NTNG1: variants seen among roughly 807,000 people sequenced by gnomAD.
The protein encoded by NTNG1 is netrin G1.
Under a neutral mutation model 54.0 loss-of-function variants are expected in NTNG1, and 16 were observed. The observed-to-expected ratio is 0.30, with a 90% CI of 0.20 to 0.45. The LOEUF is 0.45. NTNG1 is among the 20% of genes least tolerant of loss of function. The pLI, the probability that NTNG1 is intolerant of heterozygous loss-of-function variation, is 1.00. For missense variants in NTNG1, 530 were observed against 678.7 expected (o/e 0.78, Z 2.43); for synonymous variants, 255 against 263.1 (o/e 0.97, Z 0.30).
At chr1:107,478,802 C>T (rs1678502848) in intron 7 of NTNG1, among the ~76,000 whole-genome samples, 1 of 152,238 alleles carries the variant, frequency 6.6e-6, no homozygotes, top group African/African-American at 2.4e-5. Flanking sequence ...AAATAAAATC[C>T]TGAAAACCTA....
chr1:107,318,477 A>G lies in NTNG1; in HGVS notation c.247-5805A>G, dbSNP rs1401711388. On this transcript the variant is annotated intron_variant, in intron 2 of 7. Coordinates refer to ENST00000370068, the MANE Select transcript of NTNG1 (RefSeq NM_001113226.3). ...AGTTCTCAACAAGGAAAGAAAAAAA[A>G]TCATATTGAGGTTGCTAACAGCTAT... Among the ~76,000 whole-genome samples, 11 of 152,118 alleles carry G rather than the reference A, an allele frequency of 7.2e-5. 1 individual carries two copies. Among genetic ancestry groups the G allele is most frequent in the Non-Finnish European group, 1.5e-5 (1 of 68,010 alleles).
At chr1:107,206,574 C>T (rs375578789) in intron 2 of NTNG1, among the ~76,000 whole-genome samples, 29 of 152,198 alleles carry the variant, frequency 1.9e-4, no homozygotes, top group Non-Finnish European at 3.2e-4. Flanking sequence ...CCCAGTGTTA[C>T]GGAGATGTCT....
intron 1 of NTNG1, 56 bp from the exon 2 acceptor site, chr1:107,148,013 A>G (rs1272163460): frequency 6.5e-6 from 1 of 152,836 alleles, no homozygotes; most frequent in African/African-American, 2.4e-5. Context: ...CATATTGTAC[A>G]TTTCGTAATA....
intron 3 of NTNG1, among the ~76,000 whole-genome samples, chr1:107,383,228 A>G (rs779697977): frequency 1.3e-5 from 2 of 152,230 alleles, no homozygotes; most frequent in Non-Finnish European, 2.9e-5. Context: ...CTAGCCTGAT[A>G]GAAGAGGGCT....
At chr1:107,274,535 C>A (rs995219339) in intron 2 of NTNG1, among the ~76,000 whole-genome samples, 3 of 152,272 alleles carry the variant, frequency 2.0e-5, no homozygotes, top group African/African-American at 7.2e-5. Flanking sequence ...GAAACACAAG[C>A]CTTAAATAAC....
intron 7 of NTNG1, among the ~76,000 whole-genome samples, chr1:107,442,976 T>C (rs1025025248): frequency 1.2e-4 from 18 of 152,124 alleles, no homozygotes; most frequent in African/African-American, 4.3e-4. Flanking sequence ...AGTAGGTGCA[T>C]TGAGTAATGA....
At chr1:107,206,177 C>G (rs1659176530) in intron 2 of NTNG1, among the ~76,000 whole-genome samples, 1 of 151,968 alleles carries the variant, frequency 6.6e-6, no homozygotes, top group South Asian at 2.1e-4. Context: ...TTCGTGGACA[C>G]TGAAAAAAAA....
In NTNG1 at chr1:107,411,035, G is replaced by T. The variant is rs145620395; in HGVS notation, c.1087+3327G>T. 2.0e-3 allele frequency among the ~76,000 whole-genome samples: 301 copies of T among 152,136 alleles called. 1 individual carries two copies. Among genetic ancestry groups the T allele is most frequent in the African/African-American group, 6.6e-3 (274 of 41,530 alleles). ...AACTCTTGGAGTTTTGAAATAAATA[G>T]AATTTTTTAAATAACACAAACAAAA... On this transcript the variant is annotated intron_variant, in intron 5 of 7. Coordinates refer to ENST00000370068, the MANE Select transcript of NTNG1 (RefSeq NM_001113226.3).
At chr1:107,197,634 G>A (rs1476084739) in intron 2 of NTNG1, among the ~76,000 whole-genome samples, 1 of 151,792 alleles carries the variant, frequency 6.6e-6, no homozygotes, top group Admixed American at 6.6e-5. Flanking sequence ...TGAGATTTTG[G>A]CCCTCTGTCT....
At chr1:107,366,794 A>G (rs1192296560) in intron 3 of NTNG1, among the ~76,000 whole-genome samples, 1 of 152,232 alleles carries the variant, frequency 6.6e-6, no homozygotes, top group East Asian at 1.9e-4. Flanking sequence ...AAGAAATTAT[A>G]TGAAATACTT....
At chr1:107,342,802 CCA>C (rs1668978562) in intron 3 of NTNG1, among the ~76,000 whole-genome samples, 1 of 152,044 alleles carries the variant, frequency 6.6e-6, no homozygotes, top group East Asian at 1.9e-4. Flanking sequence ...AGGTGTCATA[CCA>C]CAGAGACCTA....
chr1:107,340,031 T>G (rs1668806747), intron 3 of NTNG1, among the ~76,000 whole-genome samples: 2 of 152,006 alleles, frequency 1.3e-5, no homozygotes, highest in Non-Finnish European at 2.9e-5. Context: ...AGCCCAGACC[T>G]CTGGGAGGAC....
At chr1:107,369,045 CTCTTTTATCACTTCTTTTAT>C (rs1670762643) in intron 3 of NTNG1, among the ~76,000 whole-genome samples, 1 of 152,084 alleles carries the variant, frequency 6.6e-6, no homozygotes, top group Non-Finnish European at 1.5e-5. Flanking sequence ...TATAATATGA[CTCTTTTATCACTTCTTTTAT>C]TCAACATAAT....
At chr1:107,399,008 C>T (rs1672857497) in intron 4 of NTNG1, among the ~76,000 whole-genome samples, 1 of 152,064 alleles carries the variant, frequency 6.6e-6, no homozygotes, top group Admixed American at 6.6e-5. Context: ...TGTAGGAATC[C>T]TAACTTCAGC....
chr1:107,172,762 A>G (rs990605734), intron 2 of NTNG1, among the ~76,000 whole-genome samples: 11 of 152,214 alleles, frequency 7.2e-5, no homozygotes, highest in African/African-American at 2.7e-4. Flanking sequence ...CCCACGAGTC[A>G]CTAGGGACTC....
At chr1:107,444,210 A>G (rs971096679) in intron 7 of NTNG1, among the ~76,000 whole-genome samples, 48 of 152,010 alleles carry the variant, frequency 3.2e-4, no homozygotes, top group Non-Finnish European at 1.0e-4. Context: ...TGCAGCTCTT[A>G]TTTTCCCTTG....
chr1:107,348,764 T>A (rs1449584792), intron 3 of NTNG1, among the ~76,000 whole-genome samples: 4 of 152,254 alleles, frequency 2.6e-5, no homozygotes, highest in Non-Finnish European at 4.4e-5. Context: ...CTGATAATGC[T>A]GTGTGCCTTG....
intron 2 of NTNG1, among the ~76,000 whole-genome samples, chr1:107,275,276 C>T (rs529638686): frequency 5.3e-5 from 8 of 152,204 alleles, no homozygotes; most frequent in Middle Eastern, 3.4e-3. Flanking sequence ...ACTCGGGAGG[C>T]TGAGGCAGGA....
intron 2 of NTNG1, among the ~76,000 whole-genome samples, chr1:107,283,457 C>T (rs1437761230): frequency 6.6e-6 from 1 of 152,186 alleles, no homozygotes; most frequent in South Asian, 2.1e-4. Flanking sequence ...ACCAAACCCA[C>T]ATGGGTTATG....
Sources: gnomAD v4.1 joint callset for allele counts (sites outside exome capture counted in the v4.1 genomes callset) on GRCh38, gnomAD v4.1.1 for gene constraint, MANE v1.5 for transcripts, NCBI Gene and HGNC (gene_info 2026-07-23, HGNC 2026-07-21) for gene names.